Variants in CYFIP2 observed in about 807,000 individuals in gnomAD.
CYFIP2 encodes the protein cytoplasmic FMR1 interacting protein 2.
A neutral mutation model predicts 158.7 loss-of-function variants in CYFIP2; 29 were observed. That is an observed-to-expected ratio of 0.18 (90% CI 0.14 to 0.25). The LOEUF (loss-of-function observed/expected upper bound fraction) is 0.25. Ranked by LOEUF, CYFIP2 falls within the 10% of genes least tolerant of loss-of-function variation. The probability of loss-of-function intolerance (pLI) is 1.00; values close to 1 mark genes in which losing one functional copy is unlikely to be tolerated. For missense variants in CYFIP2, 852 were observed against 1,639.5 expected (o/e 0.52, Z 8.29); for synonymous variants, 585 against 617.6 (o/e 0.95, Z 0.78).
chr5:157,279,591 T>G (rs185248703), intron 1 of CYFIP2, among the ~76,000 whole-genome samples: 51 of 152,296 alleles, frequency 3.3e-4, no homozygotes, highest in Non-Finnish European at 6.9e-4. Context: ...GCAAATTGCT[T>G]GTGTGCCCAA....
Position 157,266,415 on chromosome 5 carries a change from G to C in CYFIP2, c.-24+220G>C, listed in dbSNP as rs958673233. ...GTCCCGCGGCACGGACCCTCTGCCC[G>C]GGAGGCGCGGGCACATCGCGGAGCT... On this transcript the variant is annotated intron_variant, in intron 1 of 30. Coordinates refer to ENST00000620254, the MANE Select transcript of CYFIP2 (RefSeq NM_001037333.3). The surrounding 1 kb of genome is among the most constrained non-coding windows in gnomAD (Gnocchi z 4.2). The C allele has an allele frequency of 6.6e-6, 1 of 151,946 alleles. No homozygotes were observed. Among genetic ancestry groups the C allele is most frequent in the Non-Finnish European group, 1.5e-5 (1 of 67,998 alleles). 9.4% of individuals were successfully genotyped at this position (151,946 alleles called of 1,614,324 possible).
intron 23 of CYFIP2, among the ~76,000 whole-genome samples, chr5:157,357,844 A>C (rs542631552): frequency 6.6e-6 from 1 of 152,058 alleles, no homozygotes; most frequent in African/African-American, 2.4e-5. Flanking sequence ...AAAAACAAAG[A>C]AAAAAACCTA....
rs752057732 is a variant in CYFIP2 at position 157,343,107 on chromosome 5, G to A, written c.2673+1950G>A. ...ATGTGGCCAGCCCTGTAAGACCATC[G>A]CGGCTCATGGCAACGGACACACCAG... is the stretch of plus-strand genomic sequence containing the variant. On this transcript the variant is annotated intron_variant, in intron 23 of 30. Coordinates refer to ENST00000620254, the MANE Select transcript of CYFIP2 (RefSeq NM_001037333.3). 2.0e-5 allele frequency: 33 copies of A among 1,614,038 alleles called. No homozygotes were observed. The South Asian group carries it at 2.1e-4, about 10-fold the overall frequency.
chr5:157,364,014 T>G, intron 26 of CYFIP2: 1 of 152,116 alleles, frequency 6.6e-6, no homozygotes, highest in Non-Finnish European at 1.5e-5. Flanking sequence ...TTGCGCTTCC[T>G]CTATAAGGAG....
intron 22 of CYFIP2, among the ~76,000 whole-genome samples, chr5:157,339,854 G>T (rs1762117094): frequency 6.6e-6 from 1 of 152,228 alleles, no homozygotes; most frequent in African/African-American, 2.4e-5. Context: ...AGAAGTTGAT[G>T]AGGGTAAAAC....
chr5:157,310,975 A>G, intron 10 of CYFIP2: 2 of 455,932 alleles, frequency 4.4e-6, no homozygotes, highest in Non-Finnish European at 4.4e-6. Context: ...GAAGATGTTC[A>G]TTCATTCATT....
At chr5:157,339,866 A>C (rs140366327) in intron 22 of CYFIP2, among the ~76,000 whole-genome samples, 1 of 152,226 alleles carries the variant, frequency 6.6e-6, no homozygotes, top group Admixed American at 6.5e-5. Context: ...GGGTAAAACT[A>C]GTCGGGTGGG....
intron 21 of CYFIP2, 110 bp downstream of exon 21, chr5:157,333,556 G>A: frequency 1.4e-6 from 2 of 1,438,108 alleles, no homozygotes; most frequent in South Asian, 1.2e-5. Context: ...GGGGCAGTGA[G>A]TCTCTTTCCC....
chr5:157,320,932 C>A, intron 15 of CYFIP2, 130 bp downstream of exon 15: 1 of 1,155,702 alleles, frequency 8.7e-7, no homozygotes, highest in Non-Finnish European at 1.2e-6. Flanking sequence ...TGAGTGGCTG[C>A]TCCGGTCTTA....
At chr5:157,358,047 C>T (rs1006925280) in intron 23 of CYFIP2, among the ~76,000 whole-genome samples, 1 of 152,110 alleles carries the variant, frequency 6.6e-6, no homozygotes, top group Non-Finnish European at 1.5e-5. Flanking sequence ...ATATAGATCA[C>T]ATAGATTTGT....
intron 3 of CYFIP2, chr5:157,288,673 T>G (rs905144679): frequency 8.9e-6 from 4 of 451,616 alleles, no homozygotes; most frequent in African/African-American, 6.1e-5. Context: ...GGTTCTATTA[T>G]CATATCCATT....
At chr5:157,373,196 C>T (rs1208970614) in intron 26 of CYFIP2, among the ~76,000 whole-genome samples, 1 of 152,170 alleles carries the variant, frequency 6.6e-6, no homozygotes, top group African/African-American at 2.4e-5. Flanking sequence ...TATTACCACT[C>T]TCTGCCTGGC....
At chr5:157,381,074 G>T (rs1367998221) in intron 26 of CYFIP2, among the ~76,000 whole-genome samples, 6 of 152,034 alleles carry the variant, frequency 3.9e-5, no homozygotes. Context: ...AATTAGCCAG[G>T]TTCAAACATA....
chr5:157,331,457 G>T (rs1690614194), intron 20 of CYFIP2, among the ~76,000 whole-genome samples: 1 of 150,998 alleles, frequency 6.6e-6, no homozygotes, highest in East Asian at 1.9e-4. Flanking sequence ...TGGCAAAATG[G>T]CCTTTATGCT....
rs1037664011 is a variant in CYFIP2, at chr5:157,393,057, C to T, written c.*57C>T. On this transcript the variant is annotated 3_prime_UTR_variant, in exon 31 of 31. Transcript: ENST00000620254. Reference sequence around the variant, plus strand: ...AGGAAGAGAAGCAGGAGAGAGAAAGCCACAGCCAGCCTGCCATAGGATCCA... The same window carrying T: ...AGGAAGAGAAGCAGGAGAGAGAAAGTCACAGCCAGCCTGCCATAGGATCCA... 116 of 1,582,974 alleles carry T rather than the reference C, an allele frequency of 7.3e-5. No homozygotes were observed. Among genetic ancestry groups the T allele is most frequent in the Non-Finnish European group, 9.4e-5 (110 of 1,164,244 alleles).
chr5:157,326,046 A>T (rs1760995112), intron 17 of CYFIP2, 125 bp from the exon 18 acceptor site: 1 of 759,960 alleles, frequency 1.3e-6, no homozygotes, highest in Non-Finnish European at 2.3e-6. Context: ...CAAGGAACGT[A>T]AGAGAGGGAT....
At chr5:157,292,332 G>A (rs1757890644) in intron 3 of CYFIP2, among the ~76,000 whole-genome samples, 1 of 151,864 alleles carries the variant, frequency 6.6e-6, no homozygotes, top group African/African-American at 2.4e-5. Flanking sequence ...TGATTCTTCT[G>A]CCTCAGCCTC....
intron 23 of CYFIP2, chr5:157,342,032 TG>T (rs1391430904): frequency 6.6e-6 from 1 of 152,628 alleles, no homozygotes; most frequent in Non-Finnish European, 1.5e-5. Flanking sequence ...AGACAAATAT[TG>T]GTGCTAATAT....
chr5:157,299,240 C>G (rs904386770), intron 5 of CYFIP2, among the ~76,000 whole-genome samples: 2 of 152,162 alleles, frequency 1.3e-5, no homozygotes, highest in Non-Finnish European at 2.9e-5. Flanking sequence ...TCCCATGTCT[C>G]CCCAGCTCAA....
Sources: allele counts gnomAD v4.1 joint callset (sites outside exome capture counted in the v4.1 genomes callset), GRCh38; gene constraint gnomAD v4.1.1; non-coding constraint Gnocchi (gnomAD v3.1); transcripts MANE v1.5; gene names NCBI Gene and HGNC (gene_info 2026-07-23, HGNC 2026-07-21).